Variants in PCDHGB3 observed in about 807,000 individuals in gnomAD.
PCDHGB3 encodes the protein protocadherin gamma subfamily B, 3.
A neutral mutation model predicts 59.2 loss-of-function variants in PCDHGB3; 40 were observed. That is an observed-to-expected ratio of 0.68 (90% CI 0.52 to 0.88). The LOEUF (loss-of-function observed/expected upper bound fraction) is 0.88, where lower values mean the gene tolerates loss of function less well. Among genes scored for constraint, PCDHGB3 ranks in the 40% least tolerant of loss-of-function variants. The pLI, the probability that PCDHGB3 is intolerant of heterozygous loss-of-function variation, is 0.00. For synonymous variants in PCDHGB3, 581 were observed against 503.6 expected, an observed-to-expected ratio of 1.15 and a Z score of -2.06; for missense variants, 1,309 against 1,187.9, an observed-to-expected ratio of 1.10 and a Z score of -1.50.
chr5:141,460,556 T>C (rs762545295), intron 1 of PCDHGB3, among the ~76,000 whole-genome samples: 10 of 152,152 alleles, frequency 6.6e-5, no homozygotes, highest in Admixed American at 3.3e-4. Context: ...CAAAAATCAT[T>C]TGGCCATGGA....
chr5:141,489,148 C>G lies in PCDHGB3; in HGVS notation c.2416-5659C>G. 1 of 895,318 alleles carries G rather than the reference C, an allele frequency of 1.1e-6. No individual in the cohort carries two copies. Among genetic ancestry groups the G allele is most frequent in the Non-Finnish European group, 1.7e-6 (1 of 589,254 alleles). The allele number at this position is 895,318 out of a possible 1,614,324, so 55.5% of individuals were successfully genotyped here. A position where few individuals can be genotyped will look rare whatever the true frequency, so the allele number is the denominator to read the frequency against. ...CAGTTTTTAAGAGGCTGGAAGGAGA[C>G]ATAAGAGACTTCAGCTGCTGCATTC... On this transcript the variant is annotated intron_variant, in intron 1 of 3. Transcript: ENST00000576222. This position sits in a 1 kb window ranked among gnomAD's most constrained non-coding sequence, Gnocchi z 4.5.
chr5:141,374,295 G>A (rs758241355), intron 1 of PCDHGB3: 3 of 1,613,962 alleles, frequency 1.9e-6, no homozygotes, highest in East Asian at 2.2e-5. Context: ...TCCAGAGGTA[G>A]GATGCAGCTT....
intron 1 of PCDHGB3, among the ~76,000 whole-genome samples, chr5:141,464,442 G>A (rs890758574): frequency 3.3e-5 from 5 of 151,500 alleles, no homozygotes; most frequent in African/African-American, 1.2e-4. Flanking sequence ...TATGTTTGTT[G>A]TTGTTGTTGT....
chr5:141,399,459 C>T (rs897098728), intron 1 of PCDHGB3: 6 of 1,613,894 alleles, frequency 3.7e-6, no homozygotes, highest in Non-Finnish European at 5.1e-6. Context: ...TCAACGATAA[C>T]GCTCCGGTTT....
chr5:141,469,553 G>A (rs989713451), intron 1 of PCDHGB3, among the ~76,000 whole-genome samples: 2 of 152,086 alleles, frequency 1.3e-5, no homozygotes, highest in African/African-American at 2.4e-5. Flanking sequence ...CCAGCCTGGC[G>A]ACAGAGTGAG....
At position 141,409,894 on chromosome 5, in the gene PCDHGB3, C is replaced by A. The variant is rs1440813020; in HGVS notation, c.2415+37085C>A. The A allele has an allele frequency of 2.5e-6, 4 of 1,613,196 alleles. No homozygotes were observed. In the Admixed American group the frequency reaches 5.0e-5, roughly 20 times the overall value. ...ATGACAACGCACCGCGGGTGCTGTACCCAGCTCTGGGTCCTGACGGCTCCG... is the reference window on the plus strand; with the variant it reads ...ATGACAACGCACCGCGGGTGCTGTAACCAGCTCTGGGTCCTGACGGCTCCG... On this transcript the variant is annotated intron_variant, in intron 1 of 3. Transcript: ENST00000576222.
intron 1 of PCDHGB3, chr5:141,374,689 G>A (rs1337417637): frequency 1.2e-6 from 2 of 1,609,578 alleles, no homozygotes; most frequent in East Asian, 2.2e-5. Context: ...CACTGGACCG[G>A]GAAGGAGAAG....
chr5:141,404,240 C>T, intron 1 of PCDHGB3: 1 of 1,613,660 alleles, frequency 6.2e-7, no homozygotes, highest in East Asian at 2.2e-5. Context: ...CAGAGGAACT[C>T]CGCCCCTGTC....
chr5:141,429,390 A>T (rs556289214), intron 1 of PCDHGB3, among the ~76,000 whole-genome samples: 3,394 of 150,296 alleles, frequency 0.023, 54 homozygotes, highest in South Asian at 0.043. Context: ...TTTTTTTTAA[A>T]AAAAATTGAG....
At position 141,432,172 on chromosome 5, in the gene PCDHGB3, C is replaced by A. The variant is rs562175068; in HGVS notation, c.2415+59363C>A. ...AGAACAATCCCAGAGGAGTTTCCCT[C>A]GTCTCTGTGACCGCCCACGACCCCG... On this transcript the variant is annotated intron_variant, in intron 1 of 3. Coordinates refer to ENST00000576222, the MANE Select transcript of PCDHGB3 (RefSeq NM_018924.5). This position sits in a 1 kb window ranked among gnomAD's most constrained non-coding sequence, Gnocchi z 6.0. 5 of 1,614,152 alleles carry A rather than the reference C, an allele frequency of 3.1e-6. No homozygotes were observed. The South Asian group carries it at 4.4e-5, about 14-fold the overall frequency.
intron 1 of PCDHGB3, chr5:141,430,662 C>A: frequency 8.6e-7 from 1 of 1,169,068 alleles, no homozygotes; most frequent in Non-Finnish European, 1.2e-6. Context: ...AACGGAGGAG[C>A]TCTGACTTCC....
intron 1 of PCDHGB3, chr5:141,399,995 G>T (rs1042095164): frequency 1.9e-6 from 3 of 1,612,094 alleles, no homozygotes; most frequent in Non-Finnish European, 2.5e-6. Context: ...GGAGAGGTGC[G>T]CACAGCGCGT....
At chr5:141,399,785 A>G (rs748714301) in intron 1 of PCDHGB3, 6 of 1,613,294 alleles carry the variant, frequency 3.7e-6, no homozygotes, top group South Asian at 1.1e-5. Context: ...GACCGAAACG[A>G]CAACGCACCG....
At chr5:141,402,854 C>T (rs1589466051) in intron 1 of PCDHGB3, 2 of 1,423,530 alleles carry the variant, frequency 1.4e-6, no homozygotes, top group East Asian at 2.5e-5. Flanking sequence ...CCTCTTTCTT[C>T]TAAGGAAAAG....
chr5:141,491,966 G>A lies in PCDHGB3; in HGVS notation c.2416-2841G>A. 1.1e-6 allele frequency: 1 copy of A among 943,066 alleles called. No individual in the cohort carries two copies. Among genetic ancestry groups the A allele is most frequent in the Non-Finnish European group, 1.5e-6 (1 of 669,210 alleles). The allele number at this position is 943,066 out of a possible 1,614,324, so 58.4% of individuals were successfully genotyped here. On this transcript the variant is annotated intron_variant, in intron 1 of 3. Coordinates refer to ENST00000576222, the MANE Select transcript of PCDHGB3 (RefSeq NM_018924.5). The surrounding 1 kb of genome is among the most constrained non-coding windows in gnomAD (Gnocchi z 6.9). ...CCACCCCTACACTCAAAAAAGGCCG[G>A]GGCCTCCTTCGAGCTTCCGGTGAAT...
chr5:141,375,176 G>A (rs1430924979), intron 1 of PCDHGB3: 2 of 1,613,900 alleles, frequency 1.2e-6, no homozygotes, highest in African/African-American at 1.3e-5. Context: ...TCCAGGAACA[G>A]TAATCGCCCT....
chr5:141,393,874 G>C, intron 1 of PCDHGB3: 1 of 1,613,944 alleles, frequency 6.2e-7, no homozygotes. Context: ...TCTTTGTTTA[G>C]CCCAGTGTTA....
intron 1 of PCDHGB3, among the ~76,000 whole-genome samples, chr5:141,492,882 C>G (rs2099744816): frequency 6.6e-6 from 1 of 152,218 alleles, no homozygotes; most frequent in Admixed American, 6.5e-5. Context: ...CCCAGAGATA[C>G]AGGCTTTTGG....
At position 141,490,545 on chromosome 5, in the gene PCDHGB3, C is replaced by T; in HGVS notation, c.2416-4262C>T. 3 of 1,614,164 alleles carry T rather than the reference C, an allele frequency of 1.9e-6. No homozygotes were observed. The highest frequency in any genetic ancestry group is 2.5e-6 in the Non-Finnish European group (3 of 1,180,018). ...GCGATGCTGGTTCACCTTCCCTACA[C>T]AAACATCTCACCATCAGGCTCAACA... On this transcript the variant is annotated intron_variant, in intron 1 of 3. Coordinates refer to ENST00000576222, the MANE Select transcript of PCDHGB3 (RefSeq NM_018924.5). The surrounding 1 kb of genome is among the most constrained non-coding windows in gnomAD (Gnocchi z 5.4).
Sources: allele counts gnomAD v4.1 joint callset (sites outside exome capture counted in the v4.1 genomes callset), GRCh38; gene constraint gnomAD v4.1.1; non-coding constraint Gnocchi (gnomAD v3.1); transcripts MANE v1.5; gene names NCBI Gene and HGNC (gene_info 2026-07-23, HGNC 2026-07-21).